Variants in EIF4G3 observed in about 807,000 individuals in gnomAD.
EIF4G3 encodes the protein eukaryotic translation initiation factor 4 gamma 3, also known as eIF-4-gamma 3.
A neutral mutation model predicts 186.4 loss-of-function variants in EIF4G3; 34 were observed. The ratio of observed to expected loss-of-function variants is 0.18; its 90% confidence interval spans 0.14 to 0.24. The LOEUF is 0.24. EIF4G3 is among the 10% of genes least tolerant of loss of function. EIF4G3 has a pLI of 1.00. For synonymous variants in EIF4G3, 673 were observed against 679.5 expected (o/e 0.99, Z 0.15); for missense variants, 1,536 against 1,948.5 (o/e 0.79, Z 3.99).
Position 20,941,613 on chromosome 1 carries a change from A to T in EIF4G3, c.1541T>A (p.Ile514Lys), listed in dbSNP as rs756970110. 3 of 1,614,182 alleles carry T rather than the reference A, an allele frequency of 1.9e-6. No individual in the cohort carries two copies. The highest frequency in any genetic ancestry group is 2.5e-6 in the Non-Finnish European group (3 of 1,180,032). Residue 514 changes from isoleucine (I) to lysine (K), a missense_variant, in exon 14 of 37, where the codon ATA (isoleucine) becomes AAA (lysine). Ile to Lys is a moderately radical substitution (Grantham distance 102, BLOSUM62 -3). Coordinates refer to ENST00000602326, the MANE Select transcript of EIF4G3 (RefSeq NM_001391906.1). Reference protein sequence around the residue: ...VQRVLEEDESIRTCLSEDAKE... With the variant: ...VQRVLEEDESKRTCLSEDAKE... ...TGCATCTTCACTAAGGCAAGTTCTT[A>T]TGCTCTCGTCCTCCTCTAGGACTCT... is the stretch of plus-strand genomic sequence containing the variant.
chr1:20,999,427 T>C (rs2083004669), intron 6 of EIF4G3: 1 of 318,148 alleles, frequency 3.1e-6, no homozygotes, highest in Non-Finnish European at 6.3e-6. Flanking sequence ...TGTTTCTTTA[T>C]GACACTTTTG....
At chr1:21,116,224 CT>C (rs1387158963) in intron 2 of EIF4G3, among the ~76,000 whole-genome samples, 4 of 152,168 alleles carry the variant, frequency 2.6e-5, no homozygotes, top group Non-Finnish European at 5.9e-5. Flanking sequence ...TATAACATAT[CT>C]GAAATAAATT....
At chr1:20,992,819 T>C (rs1054962325) in intron 7 of EIF4G3, among the ~76,000 whole-genome samples, 10 of 152,060 alleles carry the variant, frequency 6.6e-5, no homozygotes, top group Non-Finnish European at 1.0e-4. Context: ...GACAGGAACA[T>C]AAGTAACTTT....
At chr1:21,094,765 TATAATAATAATAATAATAATAATA>T (rs368168938) in intron 2 of EIF4G3, among the ~76,000 whole-genome samples, 2 of 140,896 alleles carry the variant, frequency 1.4e-5, no homozygotes, top group Non-Finnish European at 3.1e-5. Context: ...GAACTTAAAG[TATAATAATAATAATAATAATAATA>T]ATAATAATAA....
rs780139871 is a variant in EIF4G3, at chr1:20,810,691, A to T, written c.4744+47T>A. ...ATCATCTCTAAGTCCTGGCTTGGAT[A>T]AATCTCACTCATTGGTTAGATTAAC... is the stretch of plus-strand genomic sequence containing the variant. On this transcript the variant is annotated intron_variant, in intron 36 of 36. Coordinates refer to ENST00000602326, the MANE Select transcript of EIF4G3 (RefSeq NM_001391906.1). This position sits in a 1 kb window ranked among gnomAD's most constrained non-coding sequence, Gnocchi z 4.1. 3.8e-6 allele frequency: 6 copies of T among 1,594,712 alleles called. No individual in the cohort carries two copies. The East Asian group carries it at 1.3e-4, about 36-fold the overall frequency.
chr1:20,843,528 T>A (rs1458890903), intron 29 of EIF4G3, among the ~76,000 whole-genome samples: 2 of 151,866 alleles, frequency 1.3e-5, no homozygotes, highest in African/African-American at 4.8e-5. Context: ...AAAAAATAAA[T>A]AAATAAATAA....
chr1:20,975,519 C>T (rs925137449), intron 10 of EIF4G3, among the ~76,000 whole-genome samples: 2 of 151,394 alleles, frequency 1.3e-5, no homozygotes, highest in African/African-American at 4.8e-5. Flanking sequence ...GGATTAAATG[C>T]AATTAGCAAA....
At chr1:21,011,536 T>C (rs2087092318) in intron 4 of EIF4G3, among the ~76,000 whole-genome samples, 1 of 152,218 alleles carries the variant, frequency 6.6e-6, no homozygotes, top group Non-Finnish European at 1.5e-5. Flanking sequence ...CACATCTGTG[T>C]GTATATTTAG....
chr1:21,176,679 G>C (rs771614290), intron 1 of EIF4G3, 43 bp downstream of exon 1: 21 of 592,186 alleles, frequency 3.5e-5, no homozygotes, highest in South Asian at 1.2e-4. Context: ...GACCCCAGGG[G>C]GGGGGCCGGA....
At chr1:20,926,734 AC>A (rs138652581) in intron 14 of EIF4G3, among the ~76,000 whole-genome samples, 2 of 152,102 alleles carry the variant, frequency 1.3e-5, no homozygotes, top group East Asian at 3.9e-4. Context: ...TTTTAAATAT[AC>A]CTGATTTGTT....
At chr1:20,886,431 G>A in intron 18 of EIF4G3, 60 bp from the exon 19 acceptor site, 1 of 1,547,084 alleles carries the variant, frequency 6.5e-7, no homozygotes, top group Non-Finnish European at 8.8e-7. Context: ...TTGTTGTGCT[G>A]TTCAAGTCAA....
intron 4 of EIF4G3, among the ~76,000 whole-genome samples, chr1:21,026,935 T>G (rs1318835959): frequency 1.5e-5 from 1 of 65,258 alleles, no homozygotes; most frequent in South Asian, 4.6e-4. Context: ...AGACACTGTC[T>G]CAAAAAAAAA....
chr1:21,074,841 G>A (rs997902513), intron 3 of EIF4G3, among the ~76,000 whole-genome samples: 4 of 152,270 alleles, frequency 2.6e-5, no homozygotes, highest in South Asian at 2.1e-4. Flanking sequence ...GAGGCCGAGC[G>A]AGGTGAGAGA....
At chr1:20,875,557 C>T (rs1240620882) in intron 20 of EIF4G3, among the ~76,000 whole-genome samples, 3 of 152,122 alleles carry the variant, frequency 2.0e-5, no homozygotes, top group African/African-American at 7.2e-5. Flanking sequence ...AGAATTTCAA[C>T]CCAGAAAGCA....
In EIF4G3 at chr1:21,073,268, C is replaced by T. The variant is rs374417565; in HGVS notation, c.-196+15870G>A. ...ACTTTATCAAAATCTTACAAAATTA[C>T]ATGACCTAGATTTTGTCAGCCTCTA... On this transcript the variant is annotated intron_variant, in intron 3 of 36. Transcript: ENST00000602326. 6.2e-4 allele frequency among the ~76,000 whole-genome samples: 94 copies of T among 152,308 alleles called. 1 individual carries two copies. The South Asian group carries it at 0.019, about 30-fold the overall frequency.
chr1:20,855,162 C>A (rs2074512610), intron 25 of EIF4G3, 91 bp from the exon 26 acceptor site: 3 of 943,272 alleles, frequency 3.2e-6, no homozygotes, highest in South Asian at 1.7e-5. Flanking sequence ...GAAGTAGAAC[C>A]AATTTTAGCA....
intron 7 of EIF4G3, 141 bp from the exon 8 acceptor site, chr1:20,982,549 A>C (rs1003952577): frequency 2.6e-5 from 14 of 541,586 alleles, no homozygotes; most frequent in African/African-American, 5.9e-5. Context: ...AGAAGAAAGA[A>C]GACTAGAAAA....
Position 20,865,103 on chromosome 1 carries a change from T to C in EIF4G3, c.2769+13A>G, listed in dbSNP as rs779707539. 18 of 1,613,840 alleles carry C rather than the reference T, an allele frequency of 1.1e-5. No homozygotes were observed. In the Admixed American group the frequency reaches 3.0e-4, roughly 27 times the overall value. The stretch of plus-strand genomic sequence containing the variant: ...AAAGTGTACAAGCACTGTCTTTCTA[T>C]GAAAATACTTACAGCACTGGCAGCC... On this transcript the variant is annotated intron_variant, in intron 21 of 36. Transcript: ENST00000602326.
chr1:21,138,939 C>T (rs1558143376), intron 2 of EIF4G3, among the ~76,000 whole-genome samples: 1 of 152,180 alleles, frequency 6.6e-6, no homozygotes, highest in East Asian at 1.9e-4. Context: ...GGCTAGAATG[C>T]AGCAGTGTGA....
Sources: allele counts gnomAD v4.1 joint callset (sites outside exome capture counted in the v4.1 genomes callset), GRCh38; gene constraint gnomAD v4.1.1; non-coding constraint Gnocchi (gnomAD v3.1); transcripts MANE v1.5; gene names NCBI Gene and HGNC (gene_info 2026-07-23, HGNC 2026-07-21).